Variants in HPSE2 observed in about 807,000 individuals in gnomAD.
HPSE2 encodes the protein heparanase 2 (inactive), also known as inactive heparanase-2.
Under a neutral mutation model 60.5 loss-of-function variants are expected in HPSE2, and 38 were observed. That is an observed-to-expected ratio of 0.63 (90% confidence interval 0.48 to 0.82). HPSE2 has a LOEUF of 0.82. HPSE2 is among the 40% of genes least tolerant of loss of function. The pLI is 0.00. For synonymous variants in HPSE2, 295 were observed against 293.2 expected, an observed-to-expected ratio of 1.01 and a Z score of -0.06; for missense variants, 713 against 740.4, an observed-to-expected ratio of 0.96 and a Z score of 0.43.
chr10:98,701,618 T>C (rs1244308353), intron 5 of HPSE2, among the ~76,000 whole-genome samples: 2 of 146,760 alleles, frequency 1.4e-5, no homozygotes, highest in Non-Finnish European at 3.0e-5. Flanking sequence ...TGTGCACATG[T>C]ACCCTAAAAC....
At chr10:99,164,916 T>G (rs963584790) in intron 2 of HPSE2, among the ~76,000 whole-genome samples, 2 of 151,602 alleles carry the variant, frequency 1.3e-5, no homozygotes, top group African/African-American at 4.9e-5. Flanking sequence ...AAACCCCGTC[T>G]CTACTAAAAA....
chr10:98,854,200 C>G (rs771031480), intron 3 of HPSE2, among the ~76,000 whole-genome samples: 3 of 152,078 alleles, frequency 2.0e-5, no homozygotes, highest in African/African-American at 7.2e-5. Flanking sequence ...ATGTTTCACA[C>G]GCACTTTGCA....
intron 3 of HPSE2, among the ~76,000 whole-genome samples, chr10:98,953,828 A>G (rs1203666263): frequency 6.6e-6 from 1 of 152,154 alleles, no homozygotes; most frequent in African/African-American, 2.4e-5. Flanking sequence ...TGAATACTCT[A>G]TTCAACTCCT....
chr10:98,532,189 A>G (rs1452595010), intron 9 of HPSE2, among the ~76,000 whole-genome samples: 2 of 152,206 alleles, frequency 1.3e-5, no homozygotes, highest in East Asian at 1.9e-4. Context: ...CTTGGAGAAG[A>G]AAACTCTCCT....
chr10:99,089,363 G>A (rs1180247196), intron 3 of HPSE2, among the ~76,000 whole-genome samples: 1 of 152,124 alleles, frequency 6.6e-6, no homozygotes, highest in African/African-American at 2.4e-5. Flanking sequence ...GGTGAGAGAT[G>A]AGGATCCAGT....
chr10:98,459,735 C>A lies in HPSE2; in HGVS notation c.1618G>T (p.Val540Leu), dbSNP rs140066668. The change falls in exon 12 of 12, where the codon GTG (valine) becomes TTG (leucine). Residue 540 changes from valine (V) to leucine (L), a missense_variant. Physicochemically the swap from Val to Leu is conservative, Grantham distance 32 (BLOSUM62 1). Coordinates refer to ENST00000370552, the MANE Select transcript of HPSE2 (RefSeq NM_021828.5). Reference protein sequence around the residue: ...YGQEGLKSKSVQLNGQPLVMV... With the variant: ...YGQEGLKSKSLQLNGQPLVMV... ...ACTAAGGGCTGGCCATTCAGTTGCACTGACCTACAGTGAGGAAAAACAGTA... is the reference window on the plus strand; with the variant it reads ...ACTAAGGGCTGGCCATTCAGTTGCAATGACCTACAGTGAGGAAAAACAGTA... 2 of 1,613,174 alleles carry A rather than the reference C, an allele frequency of 1.2e-6. No individual in the cohort carries two copies. Among genetic ancestry groups the A allele is most frequent in the South Asian group, 2.2e-5 (2 of 90,926 alleles).
chr10:98,868,891 T>C (rs1429342929), intron 3 of HPSE2, among the ~76,000 whole-genome samples: 1 of 152,184 alleles, frequency 6.6e-6, no homozygotes, highest in Non-Finnish European at 1.5e-5. Flanking sequence ...AATGTGGATT[T>C]TTCTAGTTAA....
At chr10:98,890,120 T>C (rs754028262) in intron 3 of HPSE2, among the ~76,000 whole-genome samples, 3 of 152,172 alleles carry the variant, frequency 2.0e-5, no homozygotes, top group Admixed American at 6.5e-5. Flanking sequence ...TTAAATTAAA[T>C]TCAGGTAAAG....
intron 3 of HPSE2, among the ~76,000 whole-genome samples, chr10:98,926,450 A>G (rs1954465941): frequency 6.6e-6 from 1 of 152,198 alleles, no homozygotes; most frequent in Non-Finnish European, 1.5e-5. Context: ...GATCTAATTT[A>G]GTCTCCTTCA....
chr10:98,816,319 T>C (rs1246092928), intron 3 of HPSE2, among the ~76,000 whole-genome samples: 6 of 152,190 alleles, frequency 3.9e-5, no homozygotes, highest in Non-Finnish European at 8.8e-5. Flanking sequence ...AACAGATGCC[T>C]GGGAGCTGAG....
intron 6 of HPSE2, among the ~76,000 whole-genome samples, chr10:98,655,044 A>G (rs117021860): frequency 5.9e-5 from 9 of 152,272 alleles, no homozygotes; most frequent in Non-Finnish European, 1.0e-4. Flanking sequence ...TTGTGGGAGA[A>G]GGGAAGTGTT....
At chr10:98,819,103 T>C (rs899047654) in intron 3 of HPSE2, among the ~76,000 whole-genome samples, 1 of 152,204 alleles carries the variant, frequency 6.6e-6, no homozygotes, top group Non-Finnish European at 1.5e-5. Flanking sequence ...TTGCATACAA[T>C]TAAAACAAGA....
intron 2 of HPSE2, among the ~76,000 whole-genome samples, chr10:99,178,541 A>T (rs1847626824): frequency 6.6e-6 from 1 of 152,190 alleles, no homozygotes; most frequent in African/African-American, 2.4e-5. Flanking sequence ...AAATTCCTGG[A>T]CACATACACC....
At chr10:99,313,208 G>A in the HPSE2 span, among the ~76,000 whole-genome samples, 2 of 152,188 alleles carry the variant, frequency 1.3e-5, no homozygotes, top group Non-Finnish European at 2.9e-5. Context: ...AATACAAGAT[G>A]CCATTAAGAG....
At chr10:98,527,923 T>C (rs1334220016) in intron 9 of HPSE2, among the ~76,000 whole-genome samples, 2 of 152,198 alleles carry the variant, frequency 1.3e-5, no homozygotes, top group African/African-American at 2.4e-5. Flanking sequence ...CTAATGAATG[T>C]ACCTGAATAG....
intron 3 of HPSE2, among the ~76,000 whole-genome samples, chr10:98,974,762 A>G (rs1956046401): frequency 1.3e-5 from 2 of 152,114 alleles, no homozygotes; most frequent in Admixed American, 6.5e-5. Flanking sequence ...CAATATAATC[A>G]TTATAAAAAT....
At chr10:98,636,732 T>C (rs1298435467) in intron 7 of HPSE2, among the ~76,000 whole-genome samples, 1 of 152,236 alleles carries the variant, frequency 6.6e-6, no homozygotes, top group African/African-American at 2.4e-5. Context: ...TGCAATAATA[T>C]GGACAGTACT....
chr10:98,488,937 C>G (rs1695434765), intron 10 of HPSE2, among the ~76,000 whole-genome samples: 1 of 152,100 alleles, frequency 6.6e-6, no homozygotes, highest in Non-Finnish European at 1.5e-5. Context: ...CAGAGTGATT[C>G]TTTGAAAAGT....
chr10:98,587,260 A>G (rs1440178949), intron 9 of HPSE2, among the ~76,000 whole-genome samples: 2 of 152,188 alleles, frequency 1.3e-5, no homozygotes, highest in African/African-American at 4.8e-5. Flanking sequence ...TTTCAAAGGC[A>G]AAGCCTCTTC....
Sources: gnomAD v4.1 joint callset for allele counts (sites outside exome capture counted in the v4.1 genomes callset) on GRCh38, gnomAD v4.1.1 for gene constraint, MANE v1.5 for transcripts, NCBI Gene and HGNC (gene_info 2026-07-23, HGNC 2026-07-21) for gene names.